ADAM12: variants seen among roughly 807,000 people sequenced by gnomAD.
ADAM12 encodes the protein ADAM metallopeptidase domain 12, also known as disintegrin and metalloproteinase domain-containing protein 12.
ADAM12 carries 70 observed loss-of-function variants against 106.4 expected under a neutral mutation model. That is an observed-to-expected ratio of 0.66 (90% CI 0.54 to 0.80). The LOEUF (loss-of-function observed/expected upper bound fraction) is 0.80, where lower values mean the gene tolerates loss of function less well. ADAM12 is among the 30% of genes least tolerant of loss of function. ADAM12 has a pLI of 0.00. For missense variants in ADAM12, 1,010 were observed against 1,171.9 expected, an observed-to-expected ratio of 0.86 and a Z score of 2.02; for synonymous variants, 420 against 433.5, an observed-to-expected ratio of 0.97 and a Z score of 0.39.
At chr10:126,042,548 A>T (rs1954203321) in intron 18 of ADAM12, among the ~76,000 whole-genome samples, 1 of 152,188 alleles carries the variant, frequency 6.6e-6, no homozygotes, top group South Asian at 2.1e-4. Context: ...CATAAAATGC[A>T]CCACACAGCA....
At chr10:126,081,384 A>G (rs1029318157) in intron 11 of ADAM12, among the ~76,000 whole-genome samples, 2 of 152,218 alleles carry the variant, frequency 1.3e-5, no homozygotes, top group Non-Finnish European at 2.9e-5. Context: ...TTGGGGGAAA[A>G]AAACAAAACA....
Position 126,388,061 on chromosome 10 carries a change from G to T in ADAM12, c.85C>A (p.Arg29=). The change falls in exon 1 of 23, where the codon CGA becomes AGA. Residue 29 remains arginine, a synonymous_variant. Transcript: ENST00000448723. This position sits in a 1 kb window ranked among gnomAD's most constrained non-coding sequence, Gnocchi z 4.4. ...AGALLAPCEA[R]GVSLWNQGRA... ...CCGCCCTAGTTCGGCGACTTACCTC[G>T]GGCCTCGCAGGGCGCGAGCAGAGCA... 5 of 1,223,874 alleles carry T rather than the reference G, an allele frequency of 4.1e-6. No homozygotes were observed. The highest frequency in any genetic ancestry group is 3.3e-5 in the East Asian group (1 of 30,374). 75.8% of individuals were successfully genotyped at this position (1,223,874 alleles called of 1,614,324 possible).
intron 20 of ADAM12, among the ~76,000 whole-genome samples, chr10:126,036,828 G>A (rs890366615): frequency 6.6e-6 from 1 of 152,210 alleles, no homozygotes; most frequent in Non-Finnish European, 1.5e-5. Context: ...TAGAACAGGT[G>A]CTGCAGGGAC....
intron 3 of ADAM12, among the ~76,000 whole-genome samples, chr10:126,186,055 C>T (rs1224034660): frequency 6.6e-6 from 1 of 152,156 alleles, no homozygotes; most frequent in East Asian, 1.9e-4. Flanking sequence ...AGCTAAAGCA[C>T]TAAGAGAGGG....
chr10:126,147,119 C>T (rs912007169), intron 4 of ADAM12, among the ~76,000 whole-genome samples: 1 of 152,188 alleles, frequency 6.6e-6, no homozygotes, highest in Non-Finnish European at 1.5e-5. Flanking sequence ...GATGGTCCAG[C>T]CTCAGTTCAT....
At chr10:126,275,118 G>A (rs1016057225) in intron 3 of ADAM12, among the ~76,000 whole-genome samples, 5 of 152,182 alleles carry the variant, frequency 3.3e-5, no homozygotes, top group Non-Finnish European at 5.9e-5. Context: ...AGAACTTGAA[G>A]GCATGCTGGG....
rs771450044 is a variant in ADAM12 at position 126,118,157 on chromosome 10, T to C, written c.484A>G (p.Lys162Glu). ...TTCAGCTTCTTCGCTGGGAAGAGTTTGTATCTGTTGGTTGCACTTTTCATT... is the reference window on the plus strand; with the variant it reads ...TTCAGCTTCTTCGCTGGGAAGAGTTCGTATCTGTTGGTTGCACTTTTCATT... ...EPMKSATNRY[K>E]LFPAKKLKSV... The change falls in exon 6 of 23, where the codon AAA (lysine) becomes GAA (glutamate). Residue 162 changes from lysine (K) to glutamate (E), a missense_variant. Around this residue, in one of 3 missense-constraint regions of ADAM12, gnomAD observed 391 missense variants for 442.9 expected, o/e 0.88. Coordinates refer to ENST00000448723, the MANE Select transcript of ADAM12 (RefSeq NM_001288973.2). 5 of 1,614,040 alleles carry C rather than the reference T, an allele frequency of 3.1e-6. No homozygotes were observed. In the African/African-American group the frequency reaches 6.7e-5, roughly 22 times the overall value.
At chr10:126,307,528 T>C (rs536858585) in intron 2 of ADAM12, among the ~76,000 whole-genome samples, 1 of 152,162 alleles carries the variant, frequency 6.6e-6, no homozygotes, top group African/African-American at 2.4e-5. Context: ...AATTTTTGTA[T>C]TTTTTTCTTT....
intron 1 of ADAM12, among the ~76,000 whole-genome samples, chr10:126,351,351 T>C (rs1243453486): frequency 6.6e-6 from 1 of 152,216 alleles, no homozygotes; most frequent in East Asian, 1.9e-4. Context: ...TCCCACTGGA[T>C]AGGCCAGTTC....
chr10:126,051,631 GTCCA>G (rs1565015605), intron 14 of ADAM12, among the ~76,000 whole-genome samples: 2 of 131,852 alleles, frequency 1.5e-5, no homozygotes, highest in African/African-American at 5.7e-5. Context: ...CCAGCCACCC[GTCCA>G]TCCATCCAGC....
chr10:126,225,861 C>T (rs1239786736), intron 3 of ADAM12, among the ~76,000 whole-genome samples: 1 of 152,144 alleles, frequency 6.6e-6, no homozygotes, highest in Non-Finnish European at 1.5e-5. Flanking sequence ...AACGATGTTA[C>T]GACAGGATGT....
chr10:126,019,574 T>C (rs1564990204), intron 22 of ADAM12, 121 bp downstream of exon 22: 1 of 1,285,388 alleles, frequency 7.8e-7, no homozygotes, highest in Non-Finnish European at 1.1e-6. Context: ...GTATTCCCAG[T>C]TGTAGGGGGA....
chr10:126,185,570 T>C (rs1278138789), intron 3 of ADAM12, among the ~76,000 whole-genome samples: 1 of 152,034 alleles, frequency 6.6e-6, no homozygotes, highest in Non-Finnish European at 1.5e-5. Context: ...TGGGTGAGAT[T>C]ACAAGTGGAA....
chr10:126,337,504 A>G (rs1037796161), intron 1 of ADAM12, among the ~76,000 whole-genome samples: 1 of 152,216 alleles, frequency 6.6e-6, no homozygotes, highest in Non-Finnish European at 1.5e-5. Flanking sequence ...AAGCCTCAGC[A>G]AGCCAGATCA....
intron 1 of ADAM12, among the ~76,000 whole-genome samples, chr10:126,343,664 A>G (rs1322514686): frequency 2.0e-5 from 3 of 152,098 alleles, no homozygotes; most frequent in Non-Finnish European, 4.4e-5. Context: ...AAGTATTCCT[A>G]TTTCTCCAGA....
At chr10:126,229,020 T>C (rs1363214076) in intron 3 of ADAM12, among the ~76,000 whole-genome samples, 1 of 152,226 alleles carries the variant, frequency 6.6e-6, no homozygotes, top group Non-Finnish European at 1.5e-5. Flanking sequence ...GTGGTTCCCC[T>C]GTTTACCAGG....
intron 2 of ADAM12, among the ~76,000 whole-genome samples, chr10:126,311,814 T>C (rs570503712): frequency 5.9e-4 from 90 of 152,252 alleles, no homozygotes; most frequent in African/African-American, 2.0e-3. Flanking sequence ...CACCTCTTCA[T>C]CTGGCTGCTC....
At chr10:126,244,930 G>C (rs1958599705) in intron 3 of ADAM12, among the ~76,000 whole-genome samples, 1 of 152,200 alleles carries the variant, frequency 6.6e-6, no homozygotes, top group South Asian at 2.1e-4. Context: ...TTCCACACAA[G>C]AGAACAGGAG....
At chr10:126,062,188 C>G (rs989211867) in intron 14 of ADAM12, among the ~76,000 whole-genome samples, 5 of 152,140 alleles carry the variant, frequency 3.3e-5, no homozygotes, top group South Asian at 2.1e-4. Context: ...TTTCAGGAAC[C>G]CTGAGCCAAA....
Sources: allele counts gnomAD v4.1 joint callset (sites outside exome capture counted in the v4.1 genomes callset), GRCh38; gene constraint gnomAD v4.1.1; regional missense constraint gnomAD v4.1.1; non-coding constraint Gnocchi (gnomAD v3.1); transcripts MANE v1.5; gene names NCBI Gene and HGNC (gene_info 2026-07-23, HGNC 2026-07-21).